PSD3: variants seen among roughly 807,000 people sequenced by gnomAD.
The protein encoded by PSD3 is PH and SEC7 domain-containing protein 3.
In PSD3, 49 loss-of-function variants were observed where a neutral mutation model predicts 105.5. The observed-to-expected ratio is 0.46, with a 90% CI of 0.37 to 0.59. The LOEUF (loss-of-function observed/expected upper bound fraction) is 0.59. PSD3 is among the 20% of genes least tolerant of loss of function. The pLI, the probability that PSD3 is intolerant of heterozygous loss-of-function variation, is 0.00. For synonymous variants in PSD3, 557 were observed against 457.8 expected, an observed-to-expected ratio of 1.22 and a Z score of -2.77; for missense variants, 1,561 against 1,263.8, an observed-to-expected ratio of 1.24 and a Z score of -3.57.
intron 2 of PSD3, among the ~76,000 whole-genome samples, chr8:18,882,449 G>A (rs1818167833): frequency 6.6e-6 from 1 of 152,056 alleles, no homozygotes; most frequent in Non-Finnish European, 1.5e-5. Flanking sequence ...GCAGAGAAAA[G>A]GGCAACAAAC....
chr8:18,899,906 T>G (rs1819396336), intron 2 of PSD3, among the ~76,000 whole-genome samples: 1 of 152,214 alleles, frequency 6.6e-6, no homozygotes, highest in Non-Finnish European at 1.5e-5. Context: ...ACAATACAGT[T>G]GGCCTATCCC....
chr8:18,890,832 A>G (rs936845203), intron 2 of PSD3, among the ~76,000 whole-genome samples: 4 of 151,770 alleles, frequency 2.6e-5, no homozygotes, highest in Non-Finnish European at 4.4e-5. Context: ...GGGGAGGGGG[A>G]ACAAAGAGAA....
intron 4 of PSD3, among the ~76,000 whole-genome samples, chr8:18,863,086 G>C (rs576086768): frequency 7.6e-4 from 115 of 152,214 alleles, no homozygotes; most frequent in Middle Eastern, 3.4e-3. Context: ...CGCTACAAAG[G>C]TTATTTCAAA....
At chr8:18,912,466 C>G (rs1250522532) in intron 2 of PSD3, among the ~76,000 whole-genome samples, 1 of 152,132 alleles carries the variant, frequency 6.6e-6, no homozygotes, top group Admixed American at 6.5e-5. Context: ...TCTTTCTAAG[C>G]TTTCAGAAGG....
chr8:18,958,900 TAC>T (rs1316042084), intron 1 of PSD3, among the ~76,000 whole-genome samples: 4 of 149,562 alleles, frequency 2.7e-5, no homozygotes, highest in Non-Finnish European at 5.9e-5. Context: ...ACAAACAGGA[TAC>T]AGAGGAGTTA....
At chr8:18,957,649 C>A (rs565684636) in intron 1 of PSD3, among the ~76,000 whole-genome samples, 7 of 152,318 alleles carry the variant, frequency 4.6e-5, no homozygotes, top group African/African-American at 1.7e-4. Context: ...ATAAGGTAGG[C>A]AGAACGGCCT....
At chr8:18,631,069 T>A (rs1361722053) in intron 11 of PSD3, among the ~76,000 whole-genome samples, 7 of 151,984 alleles carry the variant, frequency 4.6e-5, no homozygotes, top group Admixed American at 4.6e-4. Context: ...TTCAGTGCCA[T>A]CCATACCTGA....
At chr8:18,689,999 CT>C (rs1460239518) in intron 9 of PSD3, among the ~76,000 whole-genome samples, 3 of 152,048 alleles carry the variant, frequency 2.0e-5, no homozygotes, top group African/African-American at 7.2e-5. Flanking sequence ...ATTGAGGTTT[CT>C]TTTTTTCCTC....
intron 2 of PSD3, among the ~76,000 whole-genome samples, chr8:18,873,463 T>TTATA (rs10647609): frequency 1.1e-4 from 16 of 151,604 alleles, no homozygotes; most frequent in Non-Finnish European, 2.2e-4. Flanking sequence ...TATATAAAGT[T>TTATA]TATATATATA....
chr8:18,844,055 A>T (rs556174868), intron 4 of PSD3, among the ~76,000 whole-genome samples: 111 of 152,180 alleles, frequency 7.3e-4, no homozygotes, highest in Non-Finnish European at 1.2e-3. Flanking sequence ...TTCTGGTCCC[A>T]CAAGACAGAT....
At chr8:18,789,923 A>G (rs1290327418) in intron 8 of PSD3, among the ~76,000 whole-genome samples, 3 of 152,232 alleles carry the variant, frequency 2.0e-5, no homozygotes, top group Admixed American at 2.0e-4. Context: ...GCTTACAGTG[A>G]TAAGAAGACT....
At chr8:18,703,901 C>G (rs974847261) in intron 9 of PSD3, among the ~76,000 whole-genome samples, 1 of 152,024 alleles carries the variant, frequency 6.6e-6, no homozygotes, top group Non-Finnish European at 1.5e-5. Flanking sequence ...TGCTTTTAAC[C>G]CTGAAACTAC....
rs1388121698 is a variant in PSD3 at position 18,530,020 on chromosome 8, A to T, written c.*5723T>A. 6.6e-6 allele frequency: 1 copy of T among 152,524 alleles called. No homozygotes were observed. The highest frequency in any genetic ancestry group is 1.5e-5 in the Non-Finnish European group (1 of 68,040). 9.4% of individuals were successfully genotyped at this position (152,524 alleles called of 1,614,324 possible). ...ATGCCTCAAGTGTAACTACCAACACATTACTGCAGCCTGGAGCTGAAGTTA... is the reference window on the plus strand; with the variant it reads ...ATGCCTCAAGTGTAACTACCAACACTTTACTGCAGCCTGGAGCTGAAGTTA... On this transcript the variant is annotated 3_prime_UTR_variant, in exon 16 of 16. Coordinates refer to ENST00000327040, the MANE Select transcript of PSD3 (RefSeq NM_015310.4).
chr8:19,082,019 C>T, intron 1 of PSD3, among the ~76,000 whole-genome samples: 1 of 152,190 alleles, frequency 6.6e-6, no homozygotes, highest in Non-Finnish European at 1.5e-5. Context: ...TTTTAATCAG[C>T]TTTTTGATAC....
At chr8:18,838,978 G>T (rs1814387200) in intron 4 of PSD3, among the ~76,000 whole-genome samples, 1 of 151,712 alleles carries the variant, frequency 6.6e-6, no homozygotes, top group Admixed American at 6.6e-5. Context: ...TAGATGAAAA[G>T]CCTGAGGAAA....
intron 8 of PSD3, among the ~76,000 whole-genome samples, chr8:18,793,402 G>A (rs1468768134): frequency 6.8e-6 from 1 of 147,990 alleles, no homozygotes; most frequent in African/African-American, 2.5e-5. Context: ...ACTGGGTGAC[G>A]AGATGATCTG....
chr8:18,598,523 G>A (rs1804205998), intron 12 of PSD3, among the ~76,000 whole-genome samples: 1 of 151,784 alleles, frequency 6.6e-6, no homozygotes, highest in Non-Finnish European at 1.5e-5. Flanking sequence ...GTGATAAAAC[G>A]CATTAACAGA....
At chr8:18,583,845 T>G (rs774358250) in intron 12 of PSD3, among the ~76,000 whole-genome samples, 19 of 152,170 alleles carry the variant, frequency 1.2e-4, no homozygotes, top group South Asian at 2.1e-4. Flanking sequence ...GGGCACCGTA[T>G]CTTGCTCACA....
At chr8:18,809,227 A>C (rs1245459739) in intron 4 of PSD3, among the ~76,000 whole-genome samples, 3 of 152,122 alleles carry the variant, frequency 2.0e-5, no homozygotes, top group African/African-American at 4.8e-5. Context: ...TCTTGATCAA[A>C]TCACTTTACA....
Sources: allele counts gnomAD v4.1 joint callset (sites outside exome capture counted in the v4.1 genomes callset), GRCh38; gene constraint gnomAD v4.1.1; transcripts MANE v1.5; gene names NCBI Gene and HGNC (gene_info 2026-07-23, HGNC 2026-07-21).